Variants in P2RY8 observed in about 807,000 individuals in gnomAD.
The protein encoded by P2RY8 is P2Y receptor family member 8.
A neutral mutation model predicts 10.0 loss-of-function variants in P2RY8; 6 were observed. The observed-to-expected ratio is 0.60, with a 90% CI of 0.33 to 1.19. The LOEUF (loss-of-function observed/expected upper bound fraction) is 1.19, where lower values mean the gene tolerates loss of function less well. P2RY8 is among the 50% of genes most tolerant of loss of function. The pLI is 0.04. For synonymous variants in P2RY8, 276 were observed against 252.5 expected (o/e 1.09, Z -0.88); for missense variants, 456 against 542.0 (o/e 0.84, Z 1.58).
chrX:1,511,830 C>G (rs1242469488), intron 1 of P2RY8, among the ~76,000 whole-genome samples: 18 of 152,348 alleles, frequency 1.2e-4, no homozygotes, highest in African/African-American at 3.8e-4. Context: ...AGAGTTCTTC[C>G]TGATTGACAC....
At chrX:1,503,519 G>A (rs1201970753) in intron 1 of P2RY8, among the ~76,000 whole-genome samples, 3 of 152,182 alleles carry the variant, frequency 2.0e-5, no homozygotes, top group South Asian at 2.1e-4. Context: ...CCAGCACTTC[G>A]GGAGGCCAGG....
chrX:1,533,471 AT>A (rs1292481754), intron 1 of P2RY8, among the ~76,000 whole-genome samples: 1 of 140,622 alleles, frequency 7.1e-6, no homozygotes, highest in Non-Finnish European at 1.5e-5. Flanking sequence ...TATATTATTT[AT>A]TCTTTATATC....
intron 1 of P2RY8, among the ~76,000 whole-genome samples, chrX:1,499,060 CCTT>C (rs1363861820): frequency 6.6e-6 from 1 of 152,000 alleles, no homozygotes; most frequent in African/African-American, 2.4e-5. Context: ...ATCTTGAACT[CCTT>C]ATCTTGTGAT....
chrX:1,512,034 C>T (rs1198193132), intron 1 of P2RY8, among the ~76,000 whole-genome samples: 1 of 152,090 alleles, frequency 6.6e-6, no homozygotes, highest in South Asian at 2.1e-4. Context: ...GCTCATCACA[C>T]CAGATATGTA....
intron 1 of P2RY8, among the ~76,000 whole-genome samples, chrX:1,535,716 G>GACAC (rs770470429): frequency 0.011 from 1,567 of 146,262 alleles, 37 homozygotes; most frequent in African/African-American, 0.037. Flanking sequence ...CACACACACA[G>GACAC]ACACACACAC....
chrX:1,498,132 C>T (rs1455420639), intron 1 of P2RY8, among the ~76,000 whole-genome samples: 7 of 152,094 alleles, frequency 4.6e-5, no homozygotes, highest in South Asian at 2.1e-4. Flanking sequence ...TGAGGCCGGG[C>T]GCGGTGGCTC....
At chrX:1,470,310 A>G (rs6644955) in intron 1 of P2RY8, among the ~76,000 whole-genome samples, 88,679 of 151,670 alleles carry the variant, frequency 0.58, 26,904 homozygotes, top group African/African-American at 0.77. Flanking sequence ...TCAGGAGTTC[A>G]AGACCAGCCT....
intron 1 of P2RY8, among the ~76,000 whole-genome samples, chrX:1,467,717 C>T (rs1268388426): frequency 2.6e-5 from 4 of 152,214 alleles, no homozygotes; most frequent in Non-Finnish European, 4.4e-5. Flanking sequence ...TGCCTTGTTG[C>T]CCAGGCTGGA....
intron 1 of P2RY8, among the ~76,000 whole-genome samples, chrX:1,474,204 G>A: frequency 6.6e-6 from 1 of 151,960 alleles, no homozygotes; most frequent in African/African-American, 2.4e-5. Flanking sequence ...GTAGGTGGAT[G>A]GGTGGGTGGA....
chrX:1,492,492 A>G (rs866934864), intron 1 of P2RY8, among the ~76,000 whole-genome samples: 113 of 152,084 alleles, frequency 7.4e-4, no homozygotes, highest in African/African-American at 2.5e-3. Context: ...CAGTGATTCC[A>G]CACCCTGCAG....
At chrX:1,482,610 A>ATCTAAAT (rs2091947746) in intron 1 of P2RY8, among the ~76,000 whole-genome samples, 1 of 152,120 alleles carries the variant, frequency 6.6e-6, no homozygotes. Flanking sequence ...ATGGTTTTAG[A>ATCTAAAT]TCTAAATTTA....
At chrX:1,499,140 T>G (rs1380479308) in intron 1 of P2RY8, among the ~76,000 whole-genome samples, 12 of 148,126 alleles carry the variant, frequency 8.1e-5, no homozygotes. Context: ...ACCCTCTGTT[T>G]TTTTTCTTTT....
chrX:1,531,639 A>G (rs60235956), intron 1 of P2RY8, among the ~76,000 whole-genome samples: 14,583 of 152,044 alleles, frequency 0.096, 782 homozygotes, highest in African/African-American at 0.11. Flanking sequence ...AGAGTCTCAT[A>G]GGACTCCTCC....
intron 1 of P2RY8, among the ~76,000 whole-genome samples, chrX:1,497,530 T>C (rs1306617070): frequency 6.6e-6 from 1 of 151,312 alleles, no homozygotes; most frequent in East Asian, 2.0e-4. Flanking sequence ...TGGTGGCGGG[T>C]GCCTGTAATC....
At chrX:1,532,792 G>A (rs1441377742) in intron 1 of P2RY8, among the ~76,000 whole-genome samples, 3 of 151,806 alleles carry the variant, frequency 2.0e-5, no homozygotes, top group Non-Finnish European at 2.9e-5. Flanking sequence ...ACAAGGTCAG[G>A]AGTTTGAGAC....
chrX:1,467,400 G>T (rs1316487516), intron 1 of P2RY8, among the ~76,000 whole-genome samples: 1 of 152,050 alleles, frequency 6.6e-6, no homozygotes, highest in Non-Finnish European at 1.5e-5. Flanking sequence ...TTTCTGACCC[G>T]CCGGTCCGTG....
At chrX:1,505,251 C>T (rs1466852857) in intron 1 of P2RY8, among the ~76,000 whole-genome samples, 1 of 152,108 alleles carries the variant, frequency 6.6e-6, no homozygotes, top group Non-Finnish European at 1.5e-5. Flanking sequence ...GTACTCTGGC[C>T]ACTTGCCCAT....
intron 1 of P2RY8, among the ~76,000 whole-genome samples, chrX:1,496,760 C>T (rs1467390930): frequency 3.3e-5 from 5 of 149,914 alleles, no homozygotes; most frequent in African/African-American, 9.9e-5. Flanking sequence ...TGCAGTAGCG[C>T]GATGTCGGCT....
chrX:1,522,107 C>A (rs1352612738), intron 1 of P2RY8, among the ~76,000 whole-genome samples: 1 of 151,580 alleles, frequency 6.6e-6, no homozygotes, highest in East Asian at 1.9e-4. Context: ...CATGCACCAC[C>A]ATGCCCAGCT....
Sources: allele counts gnomAD v4.1 joint callset (sites outside exome capture counted in the v4.1 genomes callset), GRCh38; gene constraint gnomAD v4.1.1; transcripts MANE v1.5; gene names NCBI Gene and HGNC (gene_info 2026-07-23, HGNC 2026-07-21).